RBFOX3: variants seen among roughly 807,000 people sequenced by gnomAD.
The protein encoded by RBFOX3 is RNA binding protein fox-1 homolog 3.
In RBFOX3, 17 loss-of-function variants were observed where a neutral mutation model predicts 48.7. The observed-to-expected ratio is 0.35, with a 90% CI of 0.24 to 0.52. The LOEUF (loss-of-function observed/expected upper bound fraction) is 0.52. Ranked by LOEUF, RBFOX3 falls within the 20% of genes least tolerant of loss-of-function variation. The probability of loss-of-function intolerance (pLI) is 0.94; values close to 1 mark genes in which losing one functional copy is unlikely to be tolerated. For missense variants in RBFOX3, 382 were observed against 497.5 expected, an observed-to-expected ratio of 0.77 and a Z score of 2.21; for synonymous variants, 212 against 209.5, an observed-to-expected ratio of 1.01 and a Z score of -0.10.
At chr17:79,377,898 G>A (rs1568140525) in intron 2 of RBFOX3, among the ~76,000 whole-genome samples, 1 of 152,102 alleles carries the variant, frequency 6.6e-6, no homozygotes, top group Non-Finnish European at 1.5e-5. Flanking sequence ...GAGGGGGCAG[G>A]GCATATCTCC....
In RBFOX3 at chr17:79,546,971, C is replaced by T. The variant is rs544391737; in HGVS notation, c.-320+63855G>A. 3.9e-5 allele frequency among the ~76,000 whole-genome samples: 6 copies of T among 152,036 alleles called. No homozygotes were observed. In the South Asian group the frequency reaches 1.3e-3, roughly 32 times the overall value. On this transcript the variant is annotated intron_variant, in intron 1 of 14. Transcript: ENST00000693108. Reference sequence around the variant, plus strand: ...AGGTGTGAGCCAGTGCACCCCAGTCCCTTCCTCATTCTTTAGACCCACTAC... The same window carrying T: ...AGGTGTGAGCCAGTGCACCCCAGTCTCTTCCTCATTCTTTAGACCCACTAC...
At chr17:79,465,882 C>T (rs542593183) in intron 2 of RBFOX3, among the ~76,000 whole-genome samples, 5 of 152,308 alleles carry the variant, frequency 3.3e-5, no homozygotes, top group African/African-American at 7.2e-5. Context: ...TTTCTCTCTA[C>T]GCCTCCACAA....
In RBFOX3 at chr17:79,195,083, GGCCACGGGTA is replaced by G. The variant is rs1272896201; in HGVS notation, c.-34+40673_-34+40682del. On this transcript the variant is annotated intron_variant, in intron 4 of 14. Coordinates refer to ENST00000693108, the MANE Select transcript of RBFOX3 (RefSeq NM_001350451.2). The surrounding 1 kb of genome is among the most constrained non-coding windows in gnomAD (Gnocchi z 5.3). ...CATCCCCATTGCCTGCGCGGTGCCT[GGCCACGGGTA>G]GCCTCTCAAGAAGAAGTGCAGGCCG... is the stretch of plus-strand genomic sequence containing the variant. 6.6e-6 allele frequency among the ~76,000 whole-genome samples: 1 copy of G among 152,082 alleles called. No individual in the cohort carries two copies. Among genetic ancestry groups the G allele is most frequent in the Admixed American group, 6.6e-5 (1 of 15,260 alleles).
chr17:79,277,996 T>C (rs2069318028), intron 3 of RBFOX3, among the ~76,000 whole-genome samples: 2 of 152,166 alleles, frequency 1.3e-5, no homozygotes, highest in African/African-American at 4.8e-5. Flanking sequence ...TCAGCCTGAT[T>C]GGAGACTTCT....
chr17:79,527,220 G>A (rs904179222), intron 1 of RBFOX3, among the ~76,000 whole-genome samples: 5 of 152,258 alleles, frequency 3.3e-5, no homozygotes, highest in African/African-American at 7.2e-5. Context: ...TGCAGAGCAC[G>A]CCTGCCACCT....
intron 5 of RBFOX3, among the ~76,000 whole-genome samples, chr17:79,107,909 G>A (rs369260043): frequency 1.3e-5 from 2 of 152,250 alleles, no homozygotes; most frequent in Admixed American, 6.5e-5. Context: ...CAGCTCCCGC[G>A]GGGTGCCCTG....
Position 79,357,023 on chromosome 17 carries a change from G to A in RBFOX3, c.-174-49199C>T, listed in dbSNP as rs994302185. 6.6e-5 allele frequency among the ~76,000 whole-genome samples: 10 copies of A among 152,276 alleles called. No individual in the cohort carries two copies. The East Asian group carries it at 1.4e-3, about 21-fold the overall frequency. On this transcript the variant is annotated intron_variant, in intron 2 of 14. Coordinates refer to ENST00000693108, the MANE Select transcript of RBFOX3 (RefSeq NM_001350451.2). ...CCCTGAGCACTCACAACAGAGACTC[G>A]GCAGTGACAACTGGGGAGCCGGTGC...
chr17:79,170,832 C>A (rs1250651339), intron 4 of RBFOX3, among the ~76,000 whole-genome samples: 2 of 152,200 alleles, frequency 1.3e-5, no homozygotes, highest in Admixed American at 1.3e-4. Context: ...CAGCCTAGAG[C>A]CCCAAAACAC....
At chr17:79,558,754 C>T (rs2091963378) in intron 1 of RBFOX3, among the ~76,000 whole-genome samples, 1 of 152,126 alleles carries the variant, frequency 6.6e-6, no homozygotes, top group Admixed American at 6.5e-5. Context: ...GCGGAGGCTG[C>T]GTGGGCCTGC....
intron 1 of RBFOX3, among the ~76,000 whole-genome samples, chr17:79,547,870 G>A (rs782153995): frequency 3.8e-4 from 58 of 152,126 alleles, no homozygotes; most frequent in Admixed American, 7.2e-4. Context: ...CCAACATCCC[G>A]GCACCCCAGT....
intron 2 of RBFOX3, among the ~76,000 whole-genome samples, chr17:79,463,214 T>A (rs1431737779): frequency 1.2e-5 from 1 of 84,218 alleles, no homozygotes; most frequent in Non-Finnish European, 2.5e-5. Context: ...CACTGCCACC[T>A]CCACTGCCAT....
chr17:79,159,352 C>G (rs1228439136), intron 4 of RBFOX3, among the ~76,000 whole-genome samples: 1 of 152,120 alleles, frequency 6.6e-6, no homozygotes, highest in Non-Finnish European at 1.5e-5. Flanking sequence ...GGAGATGGCT[C>G]AGGGGCATGC....
At chr17:79,097,640 A>C (rs549904188) in intron 10 of RBFOX3, 52 bp downstream of exon 10, 6 of 758,416 alleles carry the variant, frequency 7.9e-6, no homozygotes, top group African/African-American at 3.9e-5. Context: ...CCGGAGCCCC[A>C]CGGGGCCAAG....
chr17:79,160,406 G>A (rs2612784), intron 4 of RBFOX3, among the ~76,000 whole-genome samples: 151,976 of 152,336 alleles, frequency 1, 75,811 homozygotes, highest in East Asian at 1. Context: ...GAGACCCAAC[G>A]TGGTCTCTGG....
rs1032273594 is a variant in RBFOX3 at position 79,390,449 on chromosome 17, G to A, written c.-174-82625C>T. Among the ~76,000 whole-genome samples, 2 of 151,268 alleles carry A rather than the reference G, an allele frequency of 1.3e-5. No homozygotes were observed. The highest frequency in any genetic ancestry group is 1.9e-4 in the East Asian group (1 of 5,130). On this transcript the variant is annotated intron_variant, in intron 2 of 14. Transcript: ENST00000693108. The surrounding 1 kb of genome is among the most constrained non-coding windows in gnomAD (Gnocchi z 4.2). ...TGGAAAATGCACTCAGAGTCCAACC[G>A]GCGTGGAAATACAGTCTTTGCGCCA...
intron 1 of RBFOX3, among the ~76,000 whole-genome samples, chr17:79,524,591 G>A (rs2086555350): frequency 1.3e-5 from 2 of 152,162 alleles, no homozygotes; most frequent in African/African-American, 2.4e-5. Flanking sequence ...TACCAACAAC[G>A]TGCAGAACTG....
At chr17:79,231,537 T>C (rs993487743) in intron 4 of RBFOX3, among the ~76,000 whole-genome samples, 1 of 152,196 alleles carries the variant, frequency 6.6e-6, no homozygotes, top group Non-Finnish European at 1.5e-5. Context: ...TAATCATTTA[T>C]ATAGAAAATC....
At chr17:79,603,734 A>G (rs914861397) in intron 1 of RBFOX3, 1 of 152,294 alleles carries the variant, frequency 6.6e-6, no homozygotes, top group Non-Finnish European at 1.5e-5. Flanking sequence ...TACTAGGTGG[A>G]TAGCCCCAGG....
At chr17:79,546,021 C>T (rs2090383640) in intron 1 of RBFOX3, among the ~76,000 whole-genome samples, 1 of 152,262 alleles carries the variant, frequency 6.6e-6, no homozygotes, top group South Asian at 2.1e-4. Flanking sequence ...CATGCTACCA[C>T]TTGGACAAAT....
Sources: gnomAD v4.1 joint callset for allele counts (sites outside exome capture counted in the v4.1 genomes callset) on GRCh38, gnomAD v4.1.1 for gene constraint, Gnocchi (gnomAD v3.1) non-coding constraint, MANE v1.5 for transcripts, NCBI Gene and HGNC (gene_info 2026-07-23, HGNC 2026-07-21) for gene names.